Variants in PADI3 observed in about 807,000 individuals in gnomAD.
PADI3 encodes the protein protein-arginine deiminase type-3.
PADI3 carries 53 observed loss-of-function variants against 71.5 expected under a neutral mutation model. The ratio of observed to expected loss-of-function variants is 0.74; its 90% CI spans 0.59 to 0.93. The LOEUF (loss-of-function observed/expected upper bound fraction) is 0.93, where lower values mean the gene tolerates loss of function less well. PADI3 is among the 40% of genes least tolerant of loss of function. PADI3 has a pLI of 0.00. For missense variants in PADI3, 821 were observed against 868.0 expected (o/e 0.95, Z 0.68); for synonymous variants, 361 against 347.5 (o/e 1.04, Z -0.43).
chr1:17,257,593 G>A (rs1271393956), intron 1 of PADI3, among the ~76,000 whole-genome samples: 1 of 152,198 alleles, frequency 6.6e-6, no homozygotes, highest in African/African-American at 2.4e-5. Flanking sequence ...CACCTGACAG[G>A]GGCCCAGACA....
chr1:17,282,993 T>C lies in PADI3; in HGVS notation c.1909T>C (p.Tyr637His), dbSNP rs1467965345. Residue 637 changes from tyrosine (Y) to histidine (H), a missense_variant, in exon 16 of 16, where the codon TAC (tyrosine) becomes CAC (histidine). Tyr to His is a moderately conservative substitution (Grantham distance 83, BLOSUM62 2). Coordinates refer to ENST00000375460, the MANE Select transcript of PADI3 (RefSeq NM_016233.2). ...CACCTTCATTGATGACTTCACTCCA[T>C]ACCACATGCTGCATGGGGAGGTGCA... ...HCTFIDDFTP[Y>H]HMLHGEVHCG... The C allele has an allele frequency of 4.3e-6, 7 of 1,614,074 alleles. No individual in the cohort carries two copies. Among genetic ancestry groups the C allele is most frequent in the African/African-American group, 1.3e-5 (1 of 74,940 alleles).
chr1:17,270,216 C>T lies in PADI3; in HGVS notation c.653-17C>T, dbSNP rs765212821. The T allele has an allele frequency of 1.4e-5, 23 of 1,600,372 alleles. No individual in the cohort carries two copies. Among genetic ancestry groups the T allele is most frequent in the Admixed American group, 5.1e-5 (3 of 58,796 alleles). ...GGCCCACAGGGAGTCACAGCCACCC[C>T]GTCCCTCCCCTTCCAGGTCCTGAGG... On this transcript the variant is annotated splice_polypyrimidine_tract_variant and intron_variant, in intron 6 of 15. Coordinates refer to ENST00000375460, the MANE Select transcript of PADI3 (RefSeq NM_016233.2).
intron 1 of PADI3, among the ~76,000 whole-genome samples, chr1:17,255,942 C>T (rs2073021583): frequency 1.3e-5 from 2 of 152,196 alleles, no homozygotes; most frequent in African/African-American, 4.8e-5. Context: ...AAGTACCTTG[C>T]CACGGCTCCA....
chr1:17,253,437 A>G (rs1342819427), intron 1 of PADI3, among the ~76,000 whole-genome samples: 1 of 152,220 alleles, frequency 6.6e-6, no homozygotes, highest in East Asian at 1.9e-4. Flanking sequence ...GACCTCAAGT[A>G]ACAGCACATG....
chr1:17,265,433 A>G (rs546116992), intron 3 of PADI3, among the ~76,000 whole-genome samples: 119 of 152,042 alleles, frequency 7.8e-4, no homozygotes, highest in African/African-American at 2.7e-3. Flanking sequence ...GTGGTCAGGG[A>G]AGTCTCCCTA....
intron 11 of PADI3, among the ~76,000 whole-genome samples, chr1:17,276,158 A>G (rs1295380203): frequency 6.6e-6 from 1 of 152,140 alleles, no homozygotes; most frequent in African/African-American, 2.4e-5. Flanking sequence ...AACATGGTGA[A>G]ACCCCATCTC....
rs1454261716 is a variant in PADI3 at position 17,265,723 on chromosome 1, A to G, written c.408+3A>G. On this transcript the variant is annotated splice_donor_region_variant and intron_variant, in intron 4 of 15. Coordinates refer to ENST00000375460, the MANE Select transcript of PADI3 (RefSeq NM_016233.2). ...AGGACAGGAACTTTGTAGACAAGGTAAGCATCTCTGCCTGGGCCCAGGAAG... is the reference window on the plus strand; with the variant it reads ...AGGACAGGAACTTTGTAGACAAGGTGAGCATCTCTGCCTGGGCCCAGGAAG... The G allele has an allele frequency of 1.9e-6, 3 of 1,613,886 alleles. No individual in the cohort carries two copies. The highest frequency in any genetic ancestry group is 2.5e-6 in the Non-Finnish European group (3 of 1,179,756).
chr1:17,278,425 C>T (rs2073361347), intron 13 of PADI3, among the ~76,000 whole-genome samples: 1 of 152,168 alleles, frequency 6.6e-6, no homozygotes, highest in African/African-American at 2.4e-5. Context: ...GATGGAGTCT[C>T]ACCGTGTTGC....
intron 1 of PADI3, among the ~76,000 whole-genome samples, chr1:17,255,900 C>A (rs886993680): frequency 6.6e-6 from 1 of 152,156 alleles, no homozygotes; most frequent in Non-Finnish European, 1.5e-5. Flanking sequence ...GGGATTTGAA[C>A]CCAGTTGTCT....
At chr1:17,252,215 C>T (rs1300144367) in intron 1 of PADI3, among the ~76,000 whole-genome samples, 1 of 152,056 alleles carries the variant, frequency 6.6e-6, no homozygotes, top group Non-Finnish European at 1.5e-5. Flanking sequence ...GAGGCAGGCT[C>T]AGCGGGATGG....
chr1:17,281,952 C>G (rs2073407038), intron 15 of PADI3, among the ~76,000 whole-genome samples: 1 of 152,134 alleles, frequency 6.6e-6, no homozygotes, highest in Admixed American at 6.5e-5. Flanking sequence ...CCTCTCCACT[C>G]CTCCCCACCT....
intron 2 of PADI3, among the ~76,000 whole-genome samples, chr1:17,261,345 C>T (rs188568242): frequency 2.0e-5 from 3 of 152,338 alleles, no homozygotes; most frequent in African/African-American, 7.2e-5. Context: ...CCATACATGA[C>T]TCCTTTCATC....
intron 11 of PADI3, 100 bp from the exon 12 acceptor site, chr1:17,276,419 T>A: frequency 8.0e-7 from 1 of 1,254,050 alleles, no homozygotes; most frequent in South Asian, 1.3e-5. Flanking sequence ...TTTTGTTTTT[T>A]AAAAATCAGA....
chr1:17,277,185 A>T lies in PADI3; in HGVS notation c.1555+309A>T, dbSNP rs549666987. ...TAATGTTCTGCAGTCACTATCCTGAAATCTCCCTTTTTTTTTTTTCCTTTT... is the reference window on the plus strand; with the variant it reads ...TAATGTTCTGCAGTCACTATCCTGATATCTCCCTTTTTTTTTTTTCCTTTT... On this transcript the variant is annotated intron_variant, in intron 13 of 15. Transcript: ENST00000375460. Among the ~76,000 whole-genome samples the T allele has an allele frequency of 2.0e-3, 299 of 148,800 alleles. 2 individuals are homozygous for T. The highest frequency in any genetic ancestry group is 1.7e-3 in the Non-Finnish European group (115 of 67,290).
In PADI3 at chr1:17,259,572, G is replaced by A. The variant is rs2073074326; in HGVS notation, c.93-6G>A. On this transcript the variant is annotated splice_polypyrimidine_tract_variant and splice_region_variant and intron_variant, in intron 1 of 15. Transcript: ENST00000375460. ...GGCACCGACCATGGCTCTCTGCCCT[G>A]CCCAGGTCAGTGCCTGAGGGCACAG... 1.3e-6 allele frequency: 2 copies of A among 1,596,324 alleles called. No homozygotes were observed. Among genetic ancestry groups the A allele is most frequent in the African/African-American group, 1.3e-5 (1 of 74,522 alleles).
chr1:17,274,865 A>G (rs2073306549), intron 11 of PADI3, 79 bp downstream of exon 11: 1 of 1,406,096 alleles, frequency 7.1e-7, no homozygotes, highest in Non-Finnish European at 9.8e-7. Context: ...AGCAGGGGCC[A>G]TTGCACTCCT....
intron 7 of PADI3, among the ~76,000 whole-genome samples, 168 bp from the exon 8 acceptor site, chr1:17,270,711 G>A (rs2073235605): frequency 6.6e-6 from 1 of 151,984 alleles, no homozygotes; most frequent in Non-Finnish European, 1.5e-5. Context: ...AGTCTACCAG[G>A]CACCACTGGT....
At chr1:17,260,422 A>G (rs974586723) in intron 2 of PADI3, among the ~76,000 whole-genome samples, 9 of 152,152 alleles carry the variant, frequency 5.9e-5, no homozygotes, top group Admixed American at 3.3e-4. Flanking sequence ...ACTCCATGTC[A>G]GGAGCGATGT....
At chr1:17,250,980 G>A (rs2072959406) in intron 1 of PADI3, among the ~76,000 whole-genome samples, 1 of 152,226 alleles carries the variant, frequency 6.6e-6, no homozygotes, top group Non-Finnish European at 1.5e-5. Context: ...GCCACAGGGT[G>A]GGGGATGGAA....
Sources: allele counts gnomAD v4.1 joint callset (sites outside exome capture counted in the v4.1 genomes callset), GRCh38; gene constraint gnomAD v4.1.1; transcripts MANE v1.5; gene names NCBI Gene and HGNC (gene_info 2026-07-23, HGNC 2026-07-21).